Variants in RAD51AP2 observed in about 807,000 individuals in gnomAD.
RAD51AP2 encodes RAD51-associated protein 2.
RAD51AP2 carries 67 observed loss-of-function variants against 85.5 expected under a neutral mutation model. That is an observed-to-expected ratio of 0.78 (90% CI 0.64 to 0.96). RAD51AP2 has a LOEUF of 0.96. Among genes scored for constraint, RAD51AP2 ranks in the 40% least tolerant of loss-of-function variants. RAD51AP2 has a pLI of 0.00. For missense variants in RAD51AP2, 1,307 were observed against 1,332.4 expected (o/e 0.98, Z 0.30); for synonymous variants, 474 against 446.5 (o/e 1.06, Z -0.78).
At chr2:17,521,401 T>C (rs1303874889), upstream of RAD51AP2, among the ~76,000 whole-genome samples, 1 of 152,242 alleles carries the variant, frequency 6.6e-6, no homozygotes, top group Non-Finnish European at 1.5e-5. Context: ...AGACAGTTTT[T>C]CCCTTTTACT....
Position 17,516,987 on chromosome 2 carries a change from C to A in RAD51AP2, c.1429G>T (p.Val477Phe). 6.3e-7 allele frequency: 1 copy of A among 1,597,546 alleles called. No individual in the cohort carries two copies. Reference sequence around the variant, plus strand: ...TTTTCTCCTTTACCATTTAGCCAAACAGTCGTTATTAAAGCTGTCTGACTA... The same window carrying A: ...TTTTCTCCTTTACCATTTAGCCAAAAAGTCGTTATTAAAGCTGTCTGACTA... ...LGSQTALITT[V>F]WLNGKGENDN... The change falls in exon 1 of 3, where the codon GTT becomes TTT. Residue 477 changes from valine (V) to phenylalanine (F), a missense_variant. Val to Phe is a conservative substitution (Grantham distance 50). This residue lies in a region of RAD51AP2 where 635 missense variants were observed against 643.6 expected (regional missense o/e 0.99). Transcript: ENST00000399080.
the RAD51AP2 span, among the ~76,000 whole-genome samples, chr2:17,532,092 C>T: frequency 2.0e-5 from 3 of 152,140 alleles, no homozygotes; most frequent in Admixed American, 6.5e-5. Context: ...TTTCTATTAT[C>T]GCACTGCCAG....
intron 2 of RAD51AP2, among the ~76,000 whole-genome samples, chr2:17,513,140 G>A (rs1305366388): frequency 1.3e-5 from 2 of 152,146 alleles, no homozygotes; most frequent in Middle Eastern, 3.4e-3. Flanking sequence ...GGTACCACAA[G>A]GTGGAATGAA....
chr2:17,517,264 G>GT lies in RAD51AP2; in HGVS notation c.1151dup (p.Tyr384Ter). 6 of 1,613,748 alleles carry GT rather than the reference G, an allele frequency of 3.7e-6. No individual in the cohort carries two copies. Among genetic ancestry groups the GT allele is most frequent in the Non-Finnish European group, 5.1e-6 (6 of 1,179,802 alleles). Residue 384 changes from tyrosine (Y) to a stop codon, truncating the protein, a stop_gained and frameshift_variant, in exon 1 of 3, where the codon TAC becomes TAAC. Transcript: ENST00000399080. LOFTEE classifies it high-confidence loss of function. ...GAGATTTTTCCAGCCTGGTAAGTACGTAACTGTCCAGACATTCTGCTTCCT... is the reference window on the plus strand; with the variant it reads ...GAGATTTTTCCAGCCTGGTAAGTACGTTAACTGTCCAGACATTCTGCTTCCT... ...NWEEAECLDS[Y>*]VLTRLEKSQN...
Position 17,517,272 on chromosome 2 carries a change from CCAGA to C in RAD51AP2, c.1140_1143del (p.Cys380TrpfsTer23). The stretch of plus-strand genomic sequence containing the variant: ...TCCAGCCTGGTAAGTACGTAACTGT[CCAGA>C]CATTCTGCTTCCTCCCAATTTGCAT... On this transcript the variant is annotated frameshift_variant, in exon 1 of 3. Transcript: ENST00000399080. LOFTEE classifies it high-confidence loss of function. 1 of 1,613,954 alleles carries C rather than the reference CCAGA, an allele frequency of 6.2e-7. No homozygotes were observed. Among genetic ancestry groups the C allele is most frequent in the Non-Finnish European group, 8.5e-7 (1 of 1,179,902 alleles).
chr2:17,514,476 A>T (rs543092206), intron 1 of RAD51AP2, among the ~76,000 whole-genome samples: 1 of 152,000 alleles, frequency 6.6e-6, no homozygotes, highest in Non-Finnish European at 1.5e-5. Flanking sequence ...AGTTAAGGAC[A>T]TAAGGCCTGG....
the RAD51AP2 span, among the ~76,000 whole-genome samples, chr2:17,533,770 T>C: frequency 6.6e-6 from 1 of 152,106 alleles, no homozygotes; most frequent in Admixed American, 6.5e-5. Context: ...AAAAAATTAG[T>C]TAGGCATAGG....
chr2:17,519,680 A>G (rs1558268618), upstream of RAD51AP2, among the ~76,000 whole-genome samples: 1 of 152,208 alleles, frequency 6.6e-6, no homozygotes, highest in Non-Finnish European at 1.5e-5. Flanking sequence ...TTAAGTTTGT[A>G]GAAAGCCTTG....
the RAD51AP2 span, among the ~76,000 whole-genome samples, chr2:17,531,416 T>C: frequency 1.3e-5 from 2 of 151,906 alleles, no homozygotes; most frequent in South Asian, 2.1e-4. Flanking sequence ...CTTCTAATAC[T>C]GTACTACAAT....
rs1299835772 is a variant in RAD51AP2, at chr2:17,515,448, T to C, written c.2968A>G (p.Thr990Ala). The C allele has an allele frequency of 6.2e-7, 1 of 1,613,618 alleles. No homozygotes were observed. The highest frequency in any genetic ancestry group is 8.5e-7 in the Non-Finnish European group (1 of 1,179,848). The change falls in exon 1 of 3, where the codon ACT (threonine) becomes GCT (alanine). Residue 990 changes from threonine to alanine, a missense_variant. By Grantham distance (58) the Thr-to-Ala change is moderately conservative. Coordinates refer to ENST00000399080, the MANE Select transcript of RAD51AP2 (RefSeq NM_001099218.3). ...EISRENELLS[T>A]VETNNGQENY... ...TCTTGCCCATTGTTTGTTTCCACAG[T>C]GCTTAGAAGTTCATTTTCCCTACTA...
At position 17,515,187 on chromosome 2, in the gene RAD51AP2, A is replaced by G. The variant is rs370948897; in HGVS notation, c.3229T>C (p.Tyr1077His). Residue 1077 changes from tyrosine (Y) to histidine (H), a missense_variant, in exon 1 of 3, where the codon TAC (tyrosine) becomes CAC (histidine). Physicochemically the swap from Tyr to His is moderately conservative, Grantham distance 83 (BLOSUM62 2). Around this residue, in one of 3 missense-constraint regions of RAD51AP2, gnomAD observed 668 missense variants for 671.0 expected, o/e 1.00. Coordinates refer to ENST00000399080, the MANE Select transcript of RAD51AP2 (RefSeq NM_001099218.3). ...YPSRSEEELL[Y>H]STSEKDCETP... is the part of the protein sequence containing the mutation. ...TTCATACCTTTCTCAGAAGTAGAGT[A>G]AAGTAATTCTTCCTCTGATCTACTT... The G allele has an allele frequency of 2.0e-4, 315 of 1,575,918 alleles. No individual in the cohort carries two copies. The highest frequency in any genetic ancestry group is 2.6e-4 in the Non-Finnish European group (308 of 1,165,976).
At position 17,516,473 on chromosome 2, in the gene RAD51AP2, T is replaced by C. The variant is rs1056859057; in HGVS notation, c.1943A>G (p.Lys648Arg). The C allele has an allele frequency of 6.5e-7, 1 of 1,549,654 alleles. No homozygotes were observed. The highest frequency in any genetic ancestry group is 1.2e-5 in the South Asian group (1 of 83,332). Reference sequence around the variant, plus strand: ...TTCAGTTCTAAATAACTTCCTTTTCTTTAACATAGGTTTCATATTATCTTC... The same window carrying C: ...TTCAGTTCTAAATAACTTCCTTTTCCTTAACATAGGTTTCATATTATCTTC... ...LLEDNMKPML[K>R]KRKLFRTEQV... Residue 648 changes from lysine (K) to arginine (R), a missense_variant, in exon 1 of 3, where the codon AAG becomes AGG. Around this residue, in one of 3 missense-constraint regions of RAD51AP2, gnomAD observed 668 missense variants for 671.0 expected, o/e 1.00. Coordinates refer to ENST00000399080, the MANE Select transcript of RAD51AP2 (RefSeq NM_001099218.3).
At chr2:17,521,884 A>G (rs1164109797), upstream of RAD51AP2, among the ~76,000 whole-genome samples, 1 of 151,880 alleles carries the variant, frequency 6.6e-6, no homozygotes, top group Non-Finnish European at 1.5e-5. Flanking sequence ...TTGTTTTACT[A>G]CTTCCCAAAA....
chr2:17,510,715 G>A lies in RAD51AP2; in HGVS notation c.*89C>T. On this transcript the variant is annotated 3_prime_UTR_variant, in exon 3 of 3. Coordinates refer to ENST00000399080, the MANE Select transcript of RAD51AP2 (RefSeq NM_001099218.3). ...AAAAACTTCTCCACTTTATAATAAAGCAAGCCCCAAACCCCCAAGCTGGAA... is the reference window on the plus strand; with the variant it reads ...AAAAACTTCTCCACTTTATAATAAAACAAGCCCCAAACCCCCAAGCTGGAA... The A allele has an allele frequency of 3.7e-6, 3 of 817,512 alleles. No individual in the cohort carries two copies. Among genetic ancestry groups the A allele is most frequent in the South Asian group, 3.3e-5 (1 of 30,116 alleles). 50.6% of individuals were successfully genotyped at this position (817,512 alleles called of 1,614,324 possible).
At chr2:17,526,462 C>T in the RAD51AP2 span, among the ~76,000 whole-genome samples, 5 of 151,910 alleles carry the variant, frequency 3.3e-5, no homozygotes, top group African/African-American at 1.2e-4. Flanking sequence ...AGAATAATTA[C>T]CAAAAAATAA....
chr2:17,516,353 A>G lies in RAD51AP2; in HGVS notation c.2063T>C (p.Ile688Thr). The G allele has an allele frequency of 6.2e-7, 1 of 1,611,802 alleles. No homozygotes were observed. Among genetic ancestry groups the G allele is most frequent in the Non-Finnish European group, 8.5e-7 (1 of 1,179,266 alleles). Residue 688 changes from isoleucine (I) to threonine (T), a missense_variant, in exon 1 of 3, where the codon ATT becomes ACT. Transcript: ENST00000399080. ...GTCATCAAAGTCCATTAAAAGGGGA[A>G]TTTTTTCATATGTTTCAAAAATCGG... is the stretch of plus-strand genomic sequence containing the variant. ...GFPIFETYEK[I>T]PLLMDFDDMD...
At chr2:17,527,842 T>C in the RAD51AP2 span, among the ~76,000 whole-genome samples, 22 of 152,006 alleles carry the variant, frequency 1.4e-4, no homozygotes, top group African/African-American at 5.1e-4. Flanking sequence ...ATAAATGGAG[T>C]TCAACAGCAG....
At chr2:17,520,554 A>T (rs1325305438), upstream of RAD51AP2, among the ~76,000 whole-genome samples, 1 of 152,138 alleles carries the variant, frequency 6.6e-6, no homozygotes, top group African/African-American at 2.4e-5. Flanking sequence ...GATTTCTTTT[A>T]GCGTGGTGTC....
At chr2:17,534,736 C>G in the RAD51AP2 span, among the ~76,000 whole-genome samples, 1 of 151,938 alleles carries the variant, frequency 6.6e-6, no homozygotes, top group African/African-American at 2.4e-5. Context: ...TAATTTATGC[C>G]TAATGTCCAG....
Sources: allele counts gnomAD v4.1 joint callset (sites outside exome capture counted in the v4.1 genomes callset), GRCh38; gene constraint gnomAD v4.1.1; regional missense constraint gnomAD v4.1.1; transcripts MANE v1.5; gene names NCBI Gene and HGNC (gene_info 2026-07-23, HGNC 2026-07-21).